Variants in CAMTA1 observed in about 807,000 individuals in gnomAD.
The protein encoded by CAMTA1 is calmodulin binding transcription activator 1.
A neutral mutation model predicts 170.9 loss-of-function variants in CAMTA1; 27 were observed. The ratio of observed to expected loss-of-function variants is 0.16; its 90% CI spans 0.12 to 0.22. The LOEUF is 0.22. CAMTA1 is among the 10% of genes least tolerant of loss of function. The pLI, the probability that CAMTA1 is intolerant of heterozygous loss-of-function variation, is 1.00. For synonymous variants in CAMTA1, 833 were observed against 891.5 expected (o/e 0.93, Z 1.17); for missense variants, 1,619 against 2,217.2 (o/e 0.73, Z 5.42).
At chr1:7,178,603 G>A (rs7550518) in intron 4 of CAMTA1, among the ~76,000 whole-genome samples, 53,696 of 151,944 alleles carry the variant, frequency 0.35, 9,528 homozygotes, top group Non-Finnish European at 0.37. Context: ...GTTCCAAAAT[G>A]CTTTCTATGC....
At chr1:7,747,853 A>G (rs80092658) in intron 19 of CAMTA1, 72 bp downstream of exon 19, 38,206 of 943,744 alleles carry the variant, frequency 0.04, 1,125 homozygotes, top group South Asian at 0.091. Context: ...TGGTTTGGCT[A>G]AAGAGCACTA....
At position 7,561,097 on chromosome 1, in the gene CAMTA1, C is replaced by A. The variant is rs2094950822; in HGVS notation, c.511-79303C>A. Among the ~76,000 whole-genome samples the A allele has an allele frequency of 1.3e-5, 2 of 152,242 alleles. No individual in the cohort carries two copies. Among genetic ancestry groups the A allele is most frequent in the East Asian group, 1.9e-4 (1 of 5,138 alleles). ...TTCCCATGAGGCAGGATCCTCATTG[C>A]TGTCCTTTCTGAACAACGCCCAAGA... On this transcript the variant is annotated intron_variant, in intron 6 of 22. Coordinates refer to ENST00000303635, the MANE Select transcript of CAMTA1 (RefSeq NM_015215.4). This position sits in a 1 kb window ranked among gnomAD's most constrained non-coding sequence, Gnocchi z 5.3.
chr1:7,598,085 C>T (rs577954382), intron 6 of CAMTA1, among the ~76,000 whole-genome samples: 1 of 150,592 alleles, frequency 6.6e-6, no homozygotes, highest in East Asian at 2.0e-4. Flanking sequence ...TCCCTCCCCC[C>T]TCCCCCAACC....
At position 7,736,262 on chromosome 1, in the gene CAMTA1, C is replaced by A; in HGVS notation, c.3067-82C>A. On this transcript the variant is annotated intron_variant, in intron 12 of 22. Coordinates refer to ENST00000303635, the MANE Select transcript of CAMTA1 (RefSeq NM_015215.4). The surrounding 1 kb of genome is among the most constrained non-coding windows in gnomAD (Gnocchi z 4.5). ...CCGTTGTGAGTTTCTAATCGTAAAG[C>A]ATTTGTTTCCCCTACATCGAAGCGC... 1 of 1,126,752 alleles carries A rather than the reference C, an allele frequency of 8.9e-7. No individual in the cohort carries two copies. Among genetic ancestry groups the A allele is most frequent in the Non-Finnish European group, 1.3e-6 (1 of 774,892 alleles). The allele number at this position is 1,126,752 out of a possible 1,614,324, so 69.8% of individuals were successfully genotyped here.
chr1:7,120,541 A>T (rs935695459), intron 4 of CAMTA1, among the ~76,000 whole-genome samples: 1 of 152,240 alleles, frequency 6.6e-6, no homozygotes, highest in African/African-American at 2.4e-5. Context: ...GTATGTGAAC[A>T]AATCACAGAA....
At chr1:7,016,677 T>C (rs1700585779) in intron 3 of CAMTA1, among the ~76,000 whole-genome samples, 1 of 151,890 alleles carries the variant, frequency 6.6e-6, no homozygotes, top group Non-Finnish European at 1.5e-5. Context: ...CTACCAACAA[T>C]ACAAAAAATT....
intron 4 of CAMTA1, among the ~76,000 whole-genome samples, chr1:7,158,766 A>G (rs1573539196): frequency 6.6e-6 from 1 of 152,226 alleles, no homozygotes; most frequent in African/African-American, 2.4e-5. Context: ...TAGTTTTCAT[A>G]GTAAAATTTT....
chr1:6,816,086 A>G (rs1645774216), intron 1 of CAMTA1, among the ~76,000 whole-genome samples: 1 of 152,196 alleles, frequency 6.6e-6, no homozygotes, highest in African/African-American at 2.4e-5. Context: ...TGGTTTGGGC[A>G]TCAGAGTTTT....
intron 4 of CAMTA1, among the ~76,000 whole-genome samples, chr1:7,118,162 G>T (rs1644443144): frequency 6.6e-6 from 1 of 152,170 alleles, no homozygotes. Context: ...TCTGATTGCT[G>T]GGAAAATAGT....
chr1:7,602,663 TG>T (rs1203154035), intron 6 of CAMTA1, among the ~76,000 whole-genome samples: 2 of 152,274 alleles, frequency 1.3e-5, no homozygotes, highest in Non-Finnish European at 2.9e-5. Flanking sequence ...CCTTCAGTTC[TG>T]CTCTGATCTT....
chr1:7,451,078 G>C (rs12071613), intron 5 of CAMTA1, among the ~76,000 whole-genome samples: 2,500 of 152,270 alleles, frequency 0.016, 73 homozygotes, highest in African/African-American at 0.057. Flanking sequence ...TGTACATGTT[G>C]CTGAGGCCCC....
intron 6 of CAMTA1, among the ~76,000 whole-genome samples, chr1:7,535,472 G>A (rs1389553463): frequency 1.3e-5 from 2 of 152,220 alleles, no homozygotes; most frequent in African/African-American, 4.8e-5. Context: ...AAAACTTGGA[G>A]GGGCTCTGGG....
intron 7 of CAMTA1, among the ~76,000 whole-genome samples, chr1:7,651,918 A>T (rs2095850812): frequency 6.6e-6 from 1 of 152,244 alleles, no homozygotes; most frequent in Non-Finnish European, 1.5e-5. Flanking sequence ...AGCACAGGGC[A>T]TCGCACTTGG....
intron 5 of CAMTA1, among the ~76,000 whole-genome samples, chr1:7,448,364 C>T (rs1255325077): frequency 3.3e-5 from 5 of 152,194 alleles, no homozygotes; most frequent in African/African-American, 7.2e-5. Context: ...GTGCGAACCT[C>T]CATGTCCTGG....
chr1:7,298,548 C>T (rs1012137998), intron 5 of CAMTA1, among the ~76,000 whole-genome samples: 15 of 152,084 alleles, frequency 9.9e-5, no homozygotes, highest in African/African-American at 1.9e-4. Context: ...TCTACAGGGG[C>T]GGAATTCCGG....
intron 5 of CAMTA1, among the ~76,000 whole-genome samples, chr1:7,256,593 A>T (rs1012130258): frequency 4.6e-4 from 70 of 152,224 alleles, no homozygotes; most frequent in African/African-American, 1.7e-3. Context: ...AAGCAAGAGC[A>T]GCCCTTTCTG....
chr1:7,646,486 GGTGACT>G (rs1460378184), intron 7 of CAMTA1, among the ~76,000 whole-genome samples: 1 of 146,792 alleles, frequency 6.8e-6, no homozygotes, highest in Admixed American at 6.8e-5. Context: ...TGGAGGCCAT[GGTGACT>G]GTGAGGGTGA....
chr1:6,891,098 C>A (rs1271488486), intron 3 of CAMTA1, among the ~76,000 whole-genome samples: 2 of 152,184 alleles, frequency 1.3e-5, no homozygotes, highest in East Asian at 3.8e-4. Context: ...CAGACTGCTG[C>A]TAAAGACATT....
chr1:6,959,672 C>T (rs530921553), intron 3 of CAMTA1, among the ~76,000 whole-genome samples: 98 of 152,274 alleles, frequency 6.4e-4, no homozygotes, highest in Non-Finnish European at 1.1e-3. Context: ...GGTAGCCAAG[C>T]GTGGCATGCA....
Sources: allele counts gnomAD v4.1 joint callset (sites outside exome capture counted in the v4.1 genomes callset), GRCh38; gene constraint gnomAD v4.1.1; non-coding constraint Gnocchi (gnomAD v3.1); transcripts MANE v1.5; gene names NCBI Gene and HGNC (gene_info 2026-07-23, HGNC 2026-07-21).